Variants in BPIFA2 observed in about 807,000 individuals in gnomAD.
BPIFA2 encodes BPI fold-containing family A member 2.
In BPIFA2, 20 loss-of-function variants were observed where a neutral mutation model predicts 25.7. That is an observed-to-expected ratio of 0.78 (90% CI 0.55 to 1.13). BPIFA2 has a LOEUF of 1.13. Ranked by LOEUF, BPIFA2 falls within the 50% of genes most tolerant of loss-of-function variation. The pLI, the probability that BPIFA2 is intolerant of heterozygous loss-of-function variation, is 0.00. For synonymous variants in BPIFA2, 126 were observed against 124.3 expected, an observed-to-expected ratio of 1.01 and a Z score of -0.09; for missense variants, 300 against 298.1, an observed-to-expected ratio of 1.01 and a Z score of -0.05.
At chr20:33,177,106 G>A (rs1213188282) in intron 5 of BPIFA2, among the ~76,000 whole-genome samples, 1 of 152,190 alleles carries the variant, frequency 6.6e-6, no homozygotes, top group African/African-American at 2.4e-5. Flanking sequence ...GGTAATCCCA[G>A]CACTTTGGGA....
chr20:33,163,807 T>C (rs1196838363), upstream of BPIFA2, among the ~76,000 whole-genome samples: 1 of 151,962 alleles, frequency 6.6e-6, no homozygotes, highest in African/African-American at 2.4e-5. Flanking sequence ...TATATATATA[T>C]GTACAGTATA....
upstream of BPIFA2, among the ~76,000 whole-genome samples, chr20:33,163,509 G>A (rs911238610): frequency 6.6e-6 from 1 of 152,198 alleles, no homozygotes; most frequent in African/African-American, 2.4e-5. Flanking sequence ...GCCCAGGGAG[G>A]ATTCCGACTG....
chr20:33,172,325 C>G (rs1483120263), intron 2 of BPIFA2, among the ~76,000 whole-genome samples: 1 of 151,982 alleles, frequency 6.6e-6, no homozygotes, highest in Non-Finnish European at 1.5e-5. Flanking sequence ...TTGATAGGTG[C>G]GGCAAACTAC....
At chr20:33,170,297 C>T (rs529176881) in intron 2 of BPIFA2, among the ~76,000 whole-genome samples, 99 of 152,316 alleles carry the variant, frequency 6.5e-4, no homozygotes, top group African/African-American at 2.0e-3. Flanking sequence ...TTTTCTTATA[C>T]GGTATAGTCT....
chr20:33,180,896 C>G (rs1466184937), intron 8 of BPIFA2, among the ~76,000 whole-genome samples: 1 of 152,166 alleles, frequency 6.6e-6, no homozygotes, highest in African/African-American at 2.4e-5. Flanking sequence ...ACCTTGGTCT[C>G]AAATGGATAT....
chr20:33,163,856 C>T (rs376686292), upstream of BPIFA2, among the ~76,000 whole-genome samples: 15 of 152,024 alleles, frequency 9.9e-5, no homozygotes, highest in African/African-American at 2.4e-4. Flanking sequence ...GCATGGACTC[C>T]GGAGCCAGGT....
At chr20:33,174,236 C>T (rs376984515) in intron 4 of BPIFA2, 50 bp downstream of exon 4, 81 of 1,539,484 alleles carry the variant, frequency 5.3e-5, no homozygotes, top group African/African-American at 3.3e-4. Context: ...GCAACCTGGC[C>T]GATGGATGCC....
chr20:33,178,663 T>A (rs1169541154), intron 6 of BPIFA2, among the ~76,000 whole-genome samples: 1 of 152,158 alleles, frequency 6.6e-6, no homozygotes, highest in Non-Finnish European at 1.5e-5. Flanking sequence ...AAACCATAGG[T>A]ACCATGTGCA....
chr20:33,172,170 T>C (rs1983916977), intron 2 of BPIFA2, among the ~76,000 whole-genome samples: 1 of 150,804 alleles, frequency 6.6e-6, no homozygotes, highest in South Asian at 2.1e-4. Context: ...TTCTCATTCA[T>C]GAATGGGAGT....
chr20:33,180,877 T>A (rs1265553190), intron 8 of BPIFA2, among the ~76,000 whole-genome samples: 1 of 152,204 alleles, frequency 6.6e-6, no homozygotes, highest in Admixed American at 6.5e-5. Context: ...GGTCACAGAA[T>A]GAGCCCCAAC....
chr20:33,179,376 G>A (rs1984192259), intron 6 of BPIFA2, among the ~76,000 whole-genome samples: 1 of 150,744 alleles, frequency 6.6e-6, no homozygotes, highest in African/African-American at 2.5e-5. Context: ...GTTGCAGTGA[G>A]CAGAAATCGT....
intron 2 of BPIFA2, 64 bp downstream of exon 2, chr20:33,169,366 TACCAGAGGCTGCC>T (rs1983827609): frequency 7.2e-6 from 11 of 1,536,676 alleles, no homozygotes; most frequent in Admixed American, 1.7e-5. Flanking sequence ...ATGCCTGCAT[TACCAGAGGCTGCC>T]ACCAGGGGCT....
At chr20:33,177,775 C>T (rs1049468462) in intron 5 of BPIFA2, among the ~76,000 whole-genome samples, 2 of 152,162 alleles carry the variant, frequency 1.3e-5, no homozygotes, top group African/African-American at 2.4e-5. Context: ...TTAGGTACCA[C>T]ATCAGGGTAT....
intron 3 of BPIFA2, 115 bp from the exon 4 acceptor site, chr20:33,173,964 C>G (rs549029082): frequency 1.3e-6 from 1 of 781,322 alleles, no homozygotes; most frequent in African/African-American, 1.7e-5. Flanking sequence ...ATAGTGAAGA[C>G]TAAAGAAGGC....
intron 6 of BPIFA2, among the ~76,000 whole-genome samples, chr20:33,178,578 A>G (rs1377726382): frequency 6.6e-6 from 1 of 152,214 alleles, no homozygotes; most frequent in Non-Finnish European, 1.5e-5. Context: ...ATAAATAGAA[A>G]ATTAATATCA....
chr20:33,180,288 T>C (rs538713314), intron 7 of BPIFA2, among the ~76,000 whole-genome samples: 6 of 152,174 alleles, frequency 3.9e-5, no homozygotes, highest in African/African-American at 1.4e-4. Context: ...GGCAGTCACT[T>C]TGTGCTCTGT....
chr20:33,177,082 G>A (rs1167290900), intron 5 of BPIFA2, among the ~76,000 whole-genome samples: 2 of 152,094 alleles, frequency 1.3e-5, no homozygotes, highest in Non-Finnish European at 2.9e-5. Flanking sequence ...GGCTGGGCAC[G>A]ATGGCTCCAC....
Position 33,178,239 on chromosome 20 carries a change from C to A in BPIFA2, c.645+11C>A. ...CTGCTGCAGAAGGAGGTGAGTCTCC[C>A]ACTCCTTGGAGCCCAGATCCAGGCC... On this transcript the variant is annotated intron_variant, in intron 6 of 8. Transcript: ENST00000354932. 1 of 1,566,484 alleles carries A rather than the reference C, an allele frequency of 6.4e-7. No homozygotes were observed. The highest frequency in any genetic ancestry group is 8.8e-7 in the Non-Finnish European group (1 of 1,139,582).
chr20:33,174,834 C>T (rs928102208), intron 4 of BPIFA2, among the ~76,000 whole-genome samples: 3 of 152,112 alleles, frequency 2.0e-5, no homozygotes, highest in Non-Finnish European at 2.9e-5. Context: ...TTGCTTGAGC[C>T]GGAGAGGTCG....
Sources: gnomAD v4.1 joint callset for allele counts (sites outside exome capture counted in the v4.1 genomes callset) on GRCh38, gnomAD v4.1.1 for gene constraint, MANE v1.5 for transcripts, NCBI Gene and HGNC (gene_info 2026-07-23, HGNC 2026-07-21) for gene names.